Variants in C1orf94 observed in about 807,000 individuals in gnomAD.
C1orf94 encodes uncharacterized protein C1orf94.
A neutral mutation model predicts 53.6 loss-of-function variants in C1orf94; 45 were observed. The ratio of observed to expected loss-of-function variants is 0.84; its 90% CI spans 0.66 to 1.08. C1orf94 has a LOEUF of 1.08. Ranked by LOEUF, C1orf94 falls within the 50% of genes least tolerant of loss-of-function variation. The pLI is 0.00. For synonymous variants in C1orf94, 304 were observed against 296.1 expected (o/e 1.03, Z -0.27); for missense variants, 762 against 738.9 (o/e 1.03, Z -0.36).
intron 4 of C1orf94, among the ~76,000 whole-genome samples, chr1:34,207,205 A>G (rs1642810604): frequency 1.3e-5 from 2 of 152,034 alleles, no homozygotes; most frequent in Non-Finnish European, 2.9e-5. Context: ...CGGGATTGAC[A>G]GGTGGAGGCA....
rs1226442073 is a variant in C1orf94, at chr1:34,210,530, G to T, written c.1525-1680G>T. ...AGTTGCTTCACTTCTCTGAACCTCA[G>T]ATTTCCTGCTTCCAAACTGGAAATA... On this transcript the variant is annotated intron_variant, in intron 5 of 6. Coordinates refer to ENST00000488417, the MANE Select transcript of C1orf94 (RefSeq NM_001134734.2). Among the ~76,000 whole-genome samples the T allele has an allele frequency of 2.6e-5, 4 of 152,220 alleles. No homozygotes were observed. The East Asian group carries it at 5.8e-4, about 22-fold the overall frequency.
chr1:34,196,202 G>T (rs1196180001), intron 1 of C1orf94, among the ~76,000 whole-genome samples: 2 of 152,148 alleles, frequency 1.3e-5, no homozygotes, highest in Non-Finnish European at 2.9e-5. Context: ...CACCAGCCAG[G>T]CCAGTAGGAT....
rs1642254753 is a variant in C1orf94, at chr1:34,177,926, C to T, written c.137C>T (p.Pro46Leu). Residue 46 changes from proline (P) to leucine (L), a missense_variant, in exon 1 of 7, where the codon CCA (proline) becomes CTA (leucine). Pro to Leu is a moderately conservative substitution (Grantham distance 98, BLOSUM62 -3). Transcript: ENST00000488417. ...GCCAAGGGCCCCTGCGCCCTGGGCC[C>T]ATTCCCCAGATACATCTGGATCCAC... ...LVAKGPCALG[P>L]FPRYIWIHQD... is the part of the protein sequence containing the mutation. 2 of 1,551,610 alleles carry T rather than the reference C, an allele frequency of 1.3e-6. No individual in the cohort carries two copies. The highest frequency in any genetic ancestry group is 2.0e-5 in the Admixed American group (1 of 50,988).
At chr1:34,186,606 A>T (rs1417333240) in intron 1 of C1orf94, among the ~76,000 whole-genome samples, 1 of 152,266 alleles carries the variant, frequency 6.6e-6, no homozygotes, top group Non-Finnish European at 1.5e-5. Context: ...AGAAGGGGTC[A>T]TCATAAGAGA....
chr1:34,194,358 GC>G (rs1306837927), intron 1 of C1orf94, among the ~76,000 whole-genome samples: 1 of 152,156 alleles, frequency 6.6e-6, no homozygotes, highest in African/African-American at 2.4e-5. Flanking sequence ...TTCACACTCA[GC>G]CCCTGGTAGT....
intron 1 of C1orf94, among the ~76,000 whole-genome samples, chr1:34,193,338 A>C (rs1400575163): frequency 6.6e-6 from 1 of 152,196 alleles, no homozygotes; most frequent in Non-Finnish European, 1.5e-5. Flanking sequence ...AATTGGCGGA[A>C]GACTCAGAAG....
chr1:34,219,117 A>G lies in C1orf94; in HGVS notation c.*356A>G, dbSNP rs1406275014. 2 of 160,844 alleles carry G rather than the reference A, an allele frequency of 1.2e-5. No individual in the cohort carries two copies. The highest frequency in any genetic ancestry group is 2.4e-5 in the African/African-American group (1 of 41,768). 10.0% of individuals were successfully genotyped at this position (160,844 alleles called of 1,614,324 possible). On this transcript the variant is annotated 3_prime_UTR_variant, in exon 7 of 7. Transcript: ENST00000488417. ...AAAGTTTGTATTTTATGATAAAAGT[A>G]TGAGCTACTTGAAATGGAGTGTGCC... is the stretch of plus-strand genomic sequence containing the variant.
At chr1:34,192,716 G>C (rs1464608129) in intron 1 of C1orf94, among the ~76,000 whole-genome samples, 1 of 152,184 alleles carries the variant, frequency 6.6e-6, no homozygotes, top group Non-Finnish European at 1.5e-5. Context: ...TTTAAAAATA[G>C]GCAGGAAAGG....
At chr1:34,190,688 A>G (rs1018007809) in intron 1 of C1orf94, among the ~76,000 whole-genome samples, 1 of 152,222 alleles carries the variant, frequency 6.6e-6, no homozygotes, top group East Asian at 1.9e-4. Flanking sequence ...TGGTTAAGAG[A>G]GAGGCATTGG....
chr1:34,197,845 T>A lies in C1orf94; in HGVS notation c.941T>A (p.Leu314His). Residue 314 changes from leucine (L) to histidine (H), a missense_variant, in exon 2 of 7, where the codon CTC becomes CAC. Coordinates refer to ENST00000488417, the MANE Select transcript of C1orf94 (RefSeq NM_001134734.2). This position sits in a 1 kb window ranked among gnomAD's most constrained non-coding sequence, Gnocchi z 4.1. ...GAGCTCCCTGCTCAGAAGAGGCAGC[T>A]CCCAGTGTTTGCCAAGATCTGTTCC... ...LPELPAQKRQ[L>H]PVFAKICSKP... is the part of the protein sequence containing the mutation. 6.2e-7 allele frequency: 1 copy of A among 1,614,190 alleles called. No homozygotes were observed. Among genetic ancestry groups the A allele is most frequent in the Non-Finnish European group, 8.5e-7 (1 of 1,180,032 alleles).
At chr1:34,216,912 C>T (rs1016393748) in intron 6 of C1orf94, among the ~76,000 whole-genome samples, 1 of 152,092 alleles carries the variant, frequency 6.6e-6, no homozygotes, top group Non-Finnish European at 1.5e-5. Flanking sequence ...AACCCCATCT[C>T]TACCAAAAAT....
Position 34,202,109 on chromosome 1 carries a change from C to T in C1orf94, c.1296C>T (p.Asp432=), listed in dbSNP as rs1642717742. The stretch of plus-strand genomic sequence containing the variant: ...TTAACGCACCTGTGACGGTTGCTGA[C>T]AAGAACAACCCGAAGTACACAGGGA... ...LKFNAPVTVA[D]KNNPKYTGNV... The change falls in exon 4 of 7, where the codon GAC becomes GAT. Residue 432 remains aspartate (D), a synonymous_variant. Coordinates refer to ENST00000488417, the MANE Select transcript of C1orf94 (RefSeq NM_001134734.2). 1.2e-6 allele frequency: 2 copies of T among 1,613,926 alleles called. No individual in the cohort carries two copies. Among genetic ancestry groups the T allele is most frequent in the African/African-American group, 2.7e-5 (2 of 74,916 alleles).
At chr1:34,181,430 C>G (rs1276452135) in intron 1 of C1orf94, among the ~76,000 whole-genome samples, 1 of 152,198 alleles carries the variant, frequency 6.6e-6, no homozygotes. Context: ...ACTACACTCA[C>G]TTTTTTCCCC....
rs55739062 is a variant in C1orf94 at position 34,193,938 on chromosome 1, T to A, written c.321-3287T>A. The stretch of plus-strand genomic sequence containing the variant: ...CTAAGAGCCTCATTGATTCCTGTGG[T>A]ATGTAGAGGAGAATGGCCTGGAGGG... On this transcript the variant is annotated intron_variant, in intron 1 of 6. Coordinates refer to ENST00000488417, the MANE Select transcript of C1orf94 (RefSeq NM_001134734.2). Among the ~76,000 whole-genome samples, 702 of 152,188 alleles carry A rather than the reference T, an allele frequency of 4.6e-3. 4 individuals carry two copies. Among genetic ancestry groups the A allele is most frequent in the Non-Finnish European group, 6.9e-3 (469 of 68,006 alleles).
Position 34,208,245 on chromosome 1 carries a change from G to A in C1orf94, c.1524+11G>A, listed in dbSNP as rs746203826. 19 of 1,612,366 alleles carry A rather than the reference G, an allele frequency of 1.2e-5. No individual in the cohort carries two copies. The African/African-American group carries it at 1.2e-4, about 10-fold the overall frequency. On this transcript the variant is annotated intron_variant, in intron 5 of 6. Transcript: ENST00000488417. ...TGTTACTCCCAACAGGTGAGTAGAC[G>A]ATCTCTCCTCCTCTGTCCTGGGTCC...
intron 1 of C1orf94, among the ~76,000 whole-genome samples, chr1:34,168,349 G>C (rs1173298021): frequency 1.3e-5 from 2 of 152,058 alleles, no homozygotes; most frequent in African/African-American, 2.4e-5. Context: ...GTTGGGGAAA[G>C]AGCTTTTGGT....
In C1orf94 at chr1:34,197,899, G is replaced by C; in HGVS notation, c.995G>C (p.Arg332Thr). ...SKPKADPAVE[R>T]HHLMEWSPGT... ...CCCAAGGCTGACCCTGCTGTGGAGA[G>C]GCACCACTTGATGGGTGAGTGGGGT... The change falls in exon 2 of 7, where the codon AGG becomes ACG. Residue 332 changes from arginine (R) to threonine (T), a missense_variant. Physicochemically the swap from Arg to Thr is moderately conservative, Grantham distance 71 (BLOSUM62 -1). Transcript: ENST00000488417. The surrounding 1 kb of genome is among the most constrained non-coding windows in gnomAD (Gnocchi z 4.1). 6.2e-7 allele frequency: 1 copy of C among 1,613,432 alleles called. No individual in the cohort carries two copies. Among genetic ancestry groups the C allele is most frequent in the Non-Finnish European group, 8.5e-7 (1 of 1,179,596 alleles).
rs1277369812 is a variant in C1orf94 at position 34,177,956 on chromosome 1, A to G, written c.167A>G (p.Asp56Gly). 6.4e-7 allele frequency: 1 copy of G among 1,551,728 alleles called. No homozygotes were observed. Among genetic ancestry groups the G allele is most frequent in the East Asian group, 2.4e-5 (1 of 40,902 alleles). Reference protein sequence around the residue: ...PFPRYIWIHQDTPQDSLDKTC... With the variant: ...PFPRYIWIHQGTPQDSLDKTC... ...CCCAGATACATCTGGATCCACCAGG[A>G]CACACCCCAAGACAGCCTAGACAAG... The change falls in exon 1 of 7, where the codon GAC (aspartate) becomes GGC (glycine). Residue 56 changes from aspartate (D) to glycine (G), a missense_variant. Coordinates refer to ENST00000488417, the MANE Select transcript of C1orf94 (RefSeq NM_001134734.2).
At chr1:34,210,677 C>T (rs916972585) in intron 5 of C1orf94, among the ~76,000 whole-genome samples, 4 of 150,700 alleles carry the variant, frequency 2.7e-5, no homozygotes, top group Admixed American at 6.6e-5. Flanking sequence ...TTTTTTTAGA[C>T]GGAGTCTCGC....
Sources: gnomAD v4.1 joint callset for allele counts (sites outside exome capture counted in the v4.1 genomes callset) on GRCh38, gnomAD v4.1.1 for gene constraint, Gnocchi (gnomAD v3.1) non-coding constraint, MANE v1.5 for transcripts, NCBI Gene and HGNC (gene_info 2026-07-23, HGNC 2026-07-21) for gene names.